The following PIEZO2 variants were observed in gnomAD, a reference collection of about 807,000 sequenced individuals.
PIEZO2 encodes piezo-type mechanosensitive ion channel component 2.
In PIEZO2, 172 loss-of-function variants were observed where a neutral mutation model predicts 337.3. The observed-to-expected ratio is 0.51, with a 90% CI of 0.45 to 0.58. PIEZO2 has a LOEUF of 0.58. Ranked by LOEUF, PIEZO2 falls within the 20% of genes least tolerant of loss-of-function variation. PIEZO2 has a pLI of 0.00. For missense variants in PIEZO2, 3,028 were observed against 3,391.3 expected (o/e 0.89, Z 2.66); for synonymous variants, 1,251 against 1,228.5 (o/e 1.02, Z -0.38).
chr18:11,135,920 G>C (rs553259373), intron 1 of PIEZO2, among the ~76,000 whole-genome samples: 1 of 152,252 alleles, frequency 6.6e-6, no homozygotes, highest in South Asian at 2.1e-4. Context: ...TCTTGAGTAT[G>C]GATCTACTGG....
At position 11,126,136 on chromosome 18, in the gene PIEZO2, T is replaced by C. The variant is rs886697928; in HGVS notation, c.64+22389A>G. The stretch of plus-strand genomic sequence containing the variant: ...GCCCACCAGAGGCCTGCAGCACAGG[T>C]AGCTGAGCCATATGCTCCCCCGCAT... On this transcript the variant is annotated intron_variant, in intron 1 of 55. Transcript: ENST00000674853. The surrounding 1 kb of genome is among the most constrained non-coding windows in gnomAD (Gnocchi z 4.6). 3.0e-4 allele frequency among the ~76,000 whole-genome samples: 46 copies of C among 152,342 alleles called. No individual in the cohort carries two copies. The highest frequency in any genetic ancestry group is 5.9e-5 in the Non-Finnish European group (4 of 68,030).
intron 2 of PIEZO2, among the ~76,000 whole-genome samples, chr18:11,057,118 T>C (rs1023613497): frequency 1.3e-5 from 2 of 151,452 alleles, no homozygotes; most frequent in African/African-American, 4.9e-5. Flanking sequence ...CAGAGTGCCA[T>C]TTCTGGACCT....
intron 2 of PIEZO2, among the ~76,000 whole-genome samples, chr18:11,019,801 C>A (rs146194207): frequency 7.2e-5 from 11 of 152,314 alleles, no homozygotes; most frequent in African/African-American, 2.6e-4. Flanking sequence ...TACTCTATCT[C>A]ATCATCTTGT....
chr18:10,738,124 T>C (rs887990230), intron 33 of PIEZO2: 1 of 152,158 alleles, frequency 6.6e-6, no homozygotes, highest in Non-Finnish European at 1.5e-5. Context: ...ATAAATGCAA[T>C]ACAACACAAG....
chr18:10,753,040 T>G (rs1011849826), intron 27 of PIEZO2, among the ~76,000 whole-genome samples, 161 bp from the exon 28 acceptor site: 6 of 152,178 alleles, frequency 3.9e-5, no homozygotes, highest in Non-Finnish European at 7.4e-5. Context: ...AACCCTCAAA[T>G]AGTTAGTAAT....
At chr18:10,768,019 C>T in intron 21 of PIEZO2, among the ~76,000 whole-genome samples, 1 of 152,102 alleles carries the variant, frequency 6.6e-6, no homozygotes, top group Admixed American at 6.5e-5. Context: ...AGCTCCAGCC[C>T]AGGAAAGAAT....
chr18:10,756,416 G>A (rs948104985), intron 27 of PIEZO2, among the ~76,000 whole-genome samples: 1 of 148,906 alleles, frequency 6.7e-6, no homozygotes, highest in Non-Finnish European at 1.5e-5. Flanking sequence ...TGGAAGAGGA[G>A]AAGGATGGAT....
In PIEZO2 at chr18:10,900,475, T is replaced by G. The variant is rs543284340; in HGVS notation, c.329+10711A>C. On this transcript the variant is annotated intron_variant, in intron 4 of 55. Coordinates refer to ENST00000674853, the MANE Select transcript of PIEZO2 (RefSeq NM_001378183.1). The stretch of plus-strand genomic sequence containing the variant: ...TGGAAGAGACCTCTGCCTACTATCT[T>G]ATGATGAAATGCAGATATCTCATGA... Among the ~76,000 whole-genome samples, 4 of 152,328 alleles carry G rather than the reference T, an allele frequency of 2.6e-5. No homozygotes were observed. In the South Asian group the frequency reaches 8.3e-4, roughly 32 times the overall value.
chr18:11,055,179 C>G (rs2037679124), intron 2 of PIEZO2, among the ~76,000 whole-genome samples: 1 of 142,476 alleles, frequency 7.0e-6, no homozygotes, highest in African/African-American at 2.7e-5. Context: ...CCACTGCACT[C>G]CAGCCTGGGC....
At chr18:10,762,377 G>A in intron 23 of PIEZO2, 123 bp downstream of exon 23, 1 of 1,255,726 alleles carries the variant, frequency 8.0e-7, no homozygotes, top group Non-Finnish European at 1.1e-6. Context: ...CAAAGGTGAT[G>A]CCAAATCCCA....
rs2041512688 is a variant in PIEZO2 at position 10,850,486 on chromosome 18, T to A, written c.917+4867A>T. Among the ~76,000 whole-genome samples the A allele has an allele frequency of 6.6e-6, 1 of 152,200 alleles. No homozygotes were observed. Among genetic ancestry groups the A allele is most frequent in the African/African-American group, 2.4e-5 (1 of 41,438 alleles). ...GCGAGAATGTGGGGTTGCAACTTGC[T>A]CATCATTAAGTTTTGTTTAGATTTA... On this transcript the variant is annotated intron_variant, in intron 7 of 55. Transcript: ENST00000674853. The surrounding 1 kb of genome is among the most constrained non-coding windows in gnomAD (Gnocchi z 4.5).
At position 10,980,934 on chromosome 18, in the gene PIEZO2, A is replaced by C. The variant is rs1426170485; in HGVS notation, c.161-1274T>G. ...TCCATAACCTGGGAAGGCATGATTC[A>C]ATCCACTAGAAGGCCAGAAAACTAG... On this transcript the variant is annotated intron_variant, in intron 2 of 55. Transcript: ENST00000674853. The surrounding 1 kb of genome is among the most constrained non-coding windows in gnomAD (Gnocchi z 4.8). Among the ~76,000 whole-genome samples the C allele has an allele frequency of 1.3e-5, 2 of 152,172 alleles. No homozygotes were observed. The highest frequency in any genetic ancestry group is 2.9e-5 in the Non-Finnish European group (2 of 68,026).
At chr18:11,049,639 AT>A (rs1240800756) in intron 2 of PIEZO2, among the ~76,000 whole-genome samples, 1 of 152,182 alleles carries the variant, frequency 6.6e-6, no homozygotes, top group East Asian at 1.9e-4. Flanking sequence ...AGGTAACTGA[AT>A]CATGGGGATG....
At chr18:10,768,933 C>T (rs191124332) in intron 21 of PIEZO2, among the ~76,000 whole-genome samples, 33 of 152,292 alleles carry the variant, frequency 2.2e-4, no homozygotes, top group African/African-American at 7.5e-4. Context: ...TGAATTTCCG[C>T]TCCCCCAATG....
chr18:10,713,039 C>G lies in PIEZO2; in HGVS notation c.5423+1725G>C, dbSNP rs139142185. Among the ~76,000 whole-genome samples, 1,243 of 152,132 alleles carry G rather than the reference C, an allele frequency of 8.2e-3. 18 individuals are homozygous for G. The highest frequency in any genetic ancestry group is 0.028 in the African/African-American group (1,167 of 41,512). On this transcript the variant is annotated intron_variant, in intron 39 of 55. Transcript: ENST00000674853. This position sits in a 1 kb window ranked among gnomAD's most constrained non-coding sequence, Gnocchi z 4.5. ...CAAAAGACTTTAAAAGAATCAATACCTATTTTAGGGGAGCAGGCAGGGATA... is the reference window on the plus strand; with the variant it reads ...CAAAAGACTTTAAAAGAATCAATACGTATTTTAGGGGAGCAGGCAGGGATA...
Position 10,704,507 on chromosome 18 carries a change from C to T in PIEZO2, c.6145G>A (p.Val2049Ile), listed in dbSNP as rs961684910. 1.3e-6 allele frequency: 2 copies of T among 1,537,076 alleles called. No homozygotes were observed. Among genetic ancestry groups the T allele is most frequent in the African/African-American group, 2.7e-5 (2 of 73,006 alleles). The change falls in exon 42 of 56, where the codon GTC (valine) becomes ATC (isoleucine). Residue 2049 changes from valine to isoleucine, a missense_variant. By Grantham distance (29) the Val-to-Ile change is conservative (BLOSUM62 3). Transcript: ENST00000674853. Reference protein sequence around the residue: ...CYFVIILNHMVSASMITLLLP... With the variant: ...CYFVIILNHMISASMITLLLP... ...AGGAGCGTGATCATGGAGGCAGAGA[C>T]CATGTGGTTGAGGATGATCACGAAG...
At chr18:11,012,022 G>A (rs1361143374) in intron 2 of PIEZO2, among the ~76,000 whole-genome samples, 4 of 152,104 alleles carry the variant, frequency 2.6e-5, no homozygotes, top group Admixed American at 1.3e-4. Flanking sequence ...TAAAACCGAA[G>A]AAAGGTAGGT....
rs1028182115 is a variant in PIEZO2, at chr18:10,748,657, T to C, written c.4265-27A>G. 2 of 1,404,376 alleles carry C rather than the reference T, an allele frequency of 1.4e-6. No individual in the cohort carries two copies. The highest frequency in any genetic ancestry group is 3.0e-5 in the African/African-American group (2 of 66,974). The allele number at this position is 1,404,376 out of a possible 1,614,324, so 87.0% of individuals were successfully genotyped here. Reference sequence around the variant, plus strand: ...TATAGTAACAGTAGAAAAACACACATTAAAATTAACATCCATTTTCATTGT... The same window carrying C: ...TATAGTAACAGTAGAAAAACACACACTAAAATTAACATCCATTTTCATTGT... On this transcript the variant is annotated intron_variant, in intron 29 of 55. Coordinates refer to ENST00000674853, the MANE Select transcript of PIEZO2 (RefSeq NM_001378183.1). The surrounding 1 kb of genome is among the most constrained non-coding windows in gnomAD (Gnocchi z 5.1).
chr18:10,867,998 G>T (rs1203143934), intron 5 of PIEZO2, among the ~76,000 whole-genome samples: 1 of 152,188 alleles, frequency 6.6e-6, no homozygotes, highest in East Asian at 1.9e-4. Flanking sequence ...CAAGGCACAG[G>T]CTCCCACTGC....
Sources: allele counts gnomAD v4.1 joint callset (sites outside exome capture counted in the v4.1 genomes callset), GRCh38; gene constraint gnomAD v4.1.1; non-coding constraint Gnocchi (gnomAD v3.1); transcripts MANE v1.5; gene names NCBI Gene and HGNC (gene_info 2026-07-23, HGNC 2026-07-21).